The following IGSF11 variants were observed in gnomAD, a reference collection of about 807,000 sequenced individuals.
IGSF11 encodes CXADR like 1.
IGSF11 carries 22 observed loss-of-function variants against 41.0 expected under a neutral mutation model. The ratio of observed to expected loss-of-function variants is 0.54; its 90% confidence interval spans 0.38 to 0.77. The LOEUF (loss-of-function observed/expected upper bound fraction) is 0.77. IGSF11 is among the 30% of genes least tolerant of loss of function. The pLI is 0.00. For missense variants in IGSF11, 444 were observed against 530.8 expected (o/e 0.84, Z 1.61); for synonymous variants, 219 against 201.3 (o/e 1.09, Z -0.74).
chr3:118,910,686 C>T (rs539013591), intron 4 of IGSF11, among the ~76,000 whole-genome samples: 6 of 152,316 alleles, frequency 3.9e-5, no homozygotes, highest in Non-Finnish European at 8.8e-5. Context: ...ATCTGGACTT[C>T]ACCTTTTCCA....
chr3:119,118,630 A>G lies in IGSF11; in HGVS notation c.-13-13425T>C, dbSNP rs145857103. ...CTTAATGATTAACATTCAGCTCCTC[A>G]TTACTTATGCAAATTTCTGCAGCCA... On this transcript the variant is annotated intron_variant, in intron 1 of 7. Transcript: ENST00000425327. Among the ~76,000 whole-genome samples the G allele has an allele frequency of 3.2e-3, 491 of 152,356 alleles. 3 individuals are homozygous for G. Among genetic ancestry groups the G allele is most frequent in the African/African-American group, 0.011 (469 of 41,586 alleles).
intron 1 of IGSF11, among the ~76,000 whole-genome samples, chr3:119,139,327 G>C (rs770479347): frequency 3.9e-5 from 6 of 152,114 alleles, no homozygotes; most frequent in Non-Finnish European, 8.8e-5. Context: ...AGAATAAAGA[G>C]CAACAGTAAA....
intron 1 of IGSF11, among the ~76,000 whole-genome samples, chr3:119,138,745 G>A (rs138006982): frequency 2.0e-5 from 3 of 152,260 alleles, no homozygotes; most frequent in African/African-American, 7.2e-5. Flanking sequence ...AGATCATAAT[G>A]TTAAGTGAAA....
chr3:119,045,841 C>A (rs1102581), intron 1 of IGSF11, among the ~76,000 whole-genome samples: 30,968 of 150,296 alleles, frequency 0.21, 3,119 homozygotes, highest in Non-Finnish European at 0.25. Flanking sequence ...TGACCCCTGA[C>A]CCCCGAGCAG....
At chr3:119,046,062 C>G (rs1347710592) in intron 1 of IGSF11, among the ~76,000 whole-genome samples, 1 of 151,418 alleles carries the variant, frequency 6.6e-6, no homozygotes, top group Non-Finnish European at 1.5e-5. Flanking sequence ...AACAGAAAAA[C>G]TGGAAACTCT....
intron 4 of IGSF11, among the ~76,000 whole-genome samples, chr3:118,916,192 C>T (rs1234098439): frequency 1.3e-5 from 2 of 150,508 alleles, no homozygotes; most frequent in Non-Finnish European, 2.9e-5. Context: ...GAAGAAACTG[C>T]ATCAACTAAC....
At chr3:119,138,935 G>T (rs995123455) in intron 1 of IGSF11, among the ~76,000 whole-genome samples, 1 of 151,986 alleles carries the variant, frequency 6.6e-6, no homozygotes, top group South Asian at 2.1e-4. Flanking sequence ...CAGAAGGAAT[G>T]AATAAGACCT....
intron 1 of IGSF11, among the ~76,000 whole-genome samples, chr3:118,982,410 C>T (rs1934826696): frequency 6.6e-6 from 1 of 152,002 alleles, no homozygotes; most frequent in Non-Finnish European, 1.5e-5. Flanking sequence ...ATAAAATCTT[C>T]TCCCAAAAAA....
intron 1 of IGSF11, among the ~76,000 whole-genome samples, chr3:119,002,194 GTT>G (rs1480789950): frequency 7.4e-6 from 1 of 135,102 alleles, no homozygotes; most frequent in Non-Finnish European, 1.6e-5. Flanking sequence ...TCTCATAGTG[GTT>G]TTGATTTGCA....
chr3:118,946,122 A>G (rs1230318661), intron 1 of IGSF11: 1 of 151,976 alleles, frequency 6.6e-6, no homozygotes, highest in Non-Finnish European at 1.5e-5. Flanking sequence ...CTCCATAGCA[A>G]CCACAGAACT....
chr3:118,922,657 G>A lies in IGSF11; in HGVS notation c.580+3444C>T, dbSNP rs184404462. ...GTTCAACTATTTTAGACTCCTCATT[G>A]TCTTATCTGTTTAGGCTGCTATAAC... On this transcript the variant is annotated intron_variant, in intron 4 of 6. Coordinates refer to ENST00000393775, the MANE Select transcript of IGSF11 (RefSeq NM_001015887.3). Among the ~76,000 whole-genome samples the A allele has an allele frequency of 2.6e-5, 4 of 152,062 alleles. No individual in the cohort carries two copies. In the East Asian group the frequency reaches 7.7e-4, roughly 29 times the overall value.
At chr3:119,105,532 A>C (rs1296554782), upstream of IGSF11, among the ~76,000 whole-genome samples, 1 of 152,170 alleles carries the variant, frequency 6.6e-6, no homozygotes, top group Non-Finnish European at 1.5e-5. Flanking sequence ...GACCTTCTTT[A>C]TCTCCTATAT....
chr3:119,025,631 A>C (rs78280583), intron 1 of IGSF11, among the ~76,000 whole-genome samples: 1,657 of 152,202 alleles, frequency 0.011, 32 homozygotes, highest in East Asian at 0.061. Flanking sequence ...GTCATAATTT[A>C]AAGCCAGTAT....
chr3:118,976,836 C>A (rs1934168324), intron 1 of IGSF11, among the ~76,000 whole-genome samples: 1 of 152,140 alleles, frequency 6.6e-6, no homozygotes, highest in Admixed American at 6.5e-5. Context: ...CATTTGCCAA[C>A]CCCCATAATG....
intron 1 of IGSF11, among the ~76,000 whole-genome samples, chr3:119,124,422 A>G (rs2107532719): frequency 6.6e-6 from 1 of 151,460 alleles, no homozygotes; most frequent in Admixed American, 6.6e-5. Context: ...GCCTGCCACC[A>G]TGCCTGGCTC....
intron 1 of IGSF11, among the ~76,000 whole-genome samples, chr3:119,136,010 C>A (rs1444813340): frequency 6.6e-6 from 1 of 152,162 alleles, no homozygotes; most frequent in African/African-American, 2.4e-5. Flanking sequence ...GGGAACTGAA[C>A]AATGAGAACA....
chr3:119,004,149 T>C (rs1406893222), intron 1 of IGSF11, among the ~76,000 whole-genome samples: 10 of 148,418 alleles, frequency 6.7e-5, no homozygotes, highest in South Asian at 4.4e-4. Context: ...GCTCCTGTTA[T>C]TGGTCTATTC....
At chr3:119,028,556 A>C (rs1940050087) in intron 1 of IGSF11, among the ~76,000 whole-genome samples, 1 of 152,234 alleles carries the variant, frequency 6.6e-6, no homozygotes, top group Admixed American at 6.5e-5. Context: ...GTCCAAGATC[A>C]TTCCTTACAA....
intron 1 of IGSF11, among the ~76,000 whole-genome samples, chr3:119,083,843 T>C (rs1027758065): frequency 1.3e-5 from 2 of 152,248 alleles, no homozygotes; most frequent in Non-Finnish European, 2.9e-5. Context: ...ATCATTCTTT[T>C]AGAGTATACT....
Sources: gnomAD v4.1 joint callset for allele counts (sites outside exome capture counted in the v4.1 genomes callset) on GRCh38, gnomAD v4.1.1 for gene constraint, MANE v1.5 for transcripts, NCBI Gene and HGNC (gene_info 2026-07-23, HGNC 2026-07-21) for gene names.